Variants in NMI observed in about 807,000 individuals in gnomAD.
NMI encodes N-myc-interactor.
A neutral mutation model predicts 34.3 loss-of-function variants in NMI; 39 were observed. The observed-to-expected ratio is 1.14, with a 90% confidence interval of 0.88 to 1.49. NMI has a LOEUF of 1.49. Among genes scored for constraint, NMI ranks in the 40% most tolerant of loss-of-function variants. The pLI is 0.00. For missense variants in NMI, 339 were observed against 358.1 expected (o/e 0.95, Z 0.43); for synonymous variants, 113 against 120.3 (o/e 0.94, Z 0.40).
chr2:151,280,195 C>CAAAAAAAA lies in NMI; in HGVS notation c.178-1213_178-1206dup, dbSNP rs10645520. On this transcript the variant is annotated intron_variant, in intron 3 of 7. Transcript: ENST00000243346. ...GGGCAACAAGAACAAAACTCTGTTT[C>CAAAAAAAA]AAAAAAAAAAATTGTAACCTGAAAG... 1.4e-4 allele frequency among the ~76,000 whole-genome samples: 19 copies of CAAAAAAAA among 136,394 alleles called. 1 individual carries two copies. Among genetic ancestry groups the CAAAAAAAA allele is most frequent in the Admixed American group, 3.0e-4 (4 of 13,150 alleles). 89.5% of individuals were successfully genotyped at this position (136,394 alleles called of 152,430 possible).
At position 151,289,583 on chromosome 2, in the gene NMI, C is replaced by T. The variant is rs1050613067; in HGVS notation, c.-7+10G>A. 2 of 152,226 alleles carry T rather than the reference C, an allele frequency of 1.3e-5. No individual in the cohort carries two copies. The highest frequency in any genetic ancestry group is 2.9e-5 in the Non-Finnish European group (2 of 68,058). The allele number at this position is 152,226 out of a possible 1,614,324, so 9.4% of individuals were successfully genotyped here. Reference sequence around the variant, plus strand: ...GGGAGTGGCAGCCGGGGAAGGGACTCCCCACTCACCCGCGTCCGCCCGCCG... The same window carrying T: ...GGGAGTGGCAGCCGGGGAAGGGACTTCCCACTCACCCGCGTCCGCCCGCCG... On this transcript the variant is annotated intron_variant, in intron 1 of 7. Transcript: ENST00000243346.
chr2:151,281,630 G>A (rs1443579425), intron 3 of NMI, among the ~76,000 whole-genome samples: 3 of 152,122 alleles, frequency 2.0e-5, no homozygotes, highest in Admixed American at 2.0e-4. Flanking sequence ...TTAATTTAAA[G>A]GGAAGCATAT....
At chr2:151,271,092 T>C (rs1683177331) in intron 7 of NMI, among the ~76,000 whole-genome samples, 1 of 152,196 alleles carries the variant, frequency 6.6e-6, no homozygotes, top group Admixed American at 6.5e-5. Flanking sequence ...AGGGATGCTC[T>C]GGGAACAGAA....
At chr2:151,276,804 C>T (rs558971357) in intron 4 of NMI, among the ~76,000 whole-genome samples, 22 of 152,142 alleles carry the variant, frequency 1.4e-4, no homozygotes, top group Admixed American at 1.3e-3. Flanking sequence ...TACTTAATGA[C>T]GAATTCCACT....
chr2:151,275,103 C>T (rs1462595371), intron 6 of NMI, among the ~76,000 whole-genome samples: 2 of 152,088 alleles, frequency 1.3e-5, no homozygotes, highest in Admixed American at 1.3e-4. Context: ...CTGCCTCAGC[C>T]TCCCAAGTAG....
intron 4 of NMI, chr2:151,277,400 C>G (rs377392892): frequency 1.3e-5 from 2 of 152,196 alleles, no homozygotes; most frequent in Non-Finnish European, 2.9e-5. Context: ...CCGCTTGTGT[C>G]TCAATTGTTG....
rs1428544634 is a variant in NMI at position 151,278,827 on chromosome 2, CCTT to C, written c.338_340del (p.Glu113del). 23 of 1,611,324 alleles carry C rather than the reference CCTT, an allele frequency of 1.4e-5. No homozygotes were observed. The East Asian group carries it at 4.0e-4, about 28-fold the overall frequency. ...GTCATATTTTTTAACATTAGTCATA[CCTT>C]CTTCTTTTTCAAAGGTGATAAGTGC... On this transcript the variant is annotated inframe_deletion and splice_region_variant, in exon 4 of 8. Transcript: ENST00000243346.
At chr2:151,276,691 AAGCACTAG>A (rs1442079313) in intron 4 of NMI, among the ~76,000 whole-genome samples, 1 of 152,226 alleles carries the variant, frequency 6.6e-6, no homozygotes, top group Non-Finnish European at 1.5e-5. Flanking sequence ...AATATGTTAC[AAGCACTAG>A]AGCAATATAT....
chr2:151,270,749 C>T lies in NMI; in HGVS notation c.868G>A (p.Val290Ile), dbSNP rs779157278. Reference protein sequence around the residue: ...FQRAKNGGGEVDVVKCSLGQP... With the variant: ...FQRAKNGGGEIDVVKCSLGQP... ...CCTAGAGAACACTTGACCACATCTACTTCTCCACCTCCATTCTTTGCCCGT... is the reference window on the plus strand; with the variant it reads ...CCTAGAGAACACTTGACCACATCTATTTCTCCACCTCCATTCTTTGCCCGT... The change falls in exon 8 of 8, where the codon GTA becomes ATA. Residue 290 changes from valine (V) to isoleucine (I), a missense_variant. Val to Ile is a conservative substitution (Grantham distance 29). Coordinates refer to ENST00000243346, the MANE Select transcript of NMI (RefSeq NM_004688.3). 3 of 1,614,042 alleles carry T rather than the reference C, an allele frequency of 1.9e-6. No homozygotes were observed. The highest frequency in any genetic ancestry group is 4.5e-5 in the East Asian group (2 of 44,860).
chr2:151,275,463 A>T, intron 6 of NMI, 21 bp downstream of exon 6: 1 of 1,603,802 alleles, frequency 6.2e-7, no homozygotes. Flanking sequence ...GTGTCTGTTA[A>T]CCTTCTACAC....
rs750473867 is a variant in NMI, at chr2:151,278,961, C to A, written c.207G>T (p.Met69Ile). 1 of 1,609,330 alleles carries A rather than the reference C, an allele frequency of 6.2e-7. No homozygotes were observed. Among genetic ancestry groups the A allele is most frequent in the Non-Finnish European group, 8.5e-7 (1 of 1,176,350 alleles). ...CAGGAGTTTCAACTGATAAGAATTT[C>A]ATCTTTGTTTCAGGAATATCCTCTT... is the stretch of plus-strand genomic sequence containing the variant. ...QIKEDIPETK[M>I]KFLSVETPEN... is the part of the protein sequence containing the mutation. The change falls in exon 4 of 8, where the codon ATG (methionine) becomes ATT (isoleucine). Residue 69 changes from methionine (M) to isoleucine (I), a missense_variant. By Grantham distance (10) the Met-to-Ile change is conservative (BLOSUM62 1). Transcript: ENST00000243346.
At chr2:151,273,035 A>G (rs924714254) in intron 6 of NMI, among the ~76,000 whole-genome samples, 2 of 152,044 alleles carry the variant, frequency 1.3e-5, no homozygotes, top group Non-Finnish European at 2.9e-5. Context: ...CAACATTGTG[A>G]ATGTACTTAG....
chr2:151,275,865 C>T lies in NMI; in HGVS notation c.341-1G>A, dbSNP rs1683286709. The T allele has an allele frequency of 6.5e-7, 1 of 1,550,250 alleles. No individual in the cohort carries two copies. Among genetic ancestry groups the T allele is most frequent in the Non-Finnish European group, 8.8e-7 (1 of 1,139,810 alleles). The stretch of plus-strand genomic sequence containing the variant: ...CTCATGCTTACCACATTTTGAGCAA[C>T]TGAAAAATAATTCAGGAAGGAAGTA... On this transcript the variant is annotated splice_acceptor_variant, in intron 4 of 7. Transcript: ENST00000243346. LOFTEE classifies it high-confidence loss of function.
At chr2:151,271,278 G>C (rs62167156) in intron 7 of NMI, among the ~76,000 whole-genome samples, 19,276 of 152,172 alleles carry the variant, frequency 0.13, 1,575 homozygotes, top group South Asian at 0.26. Flanking sequence ...GAGCAGGTCT[G>C]GGGTAAAGAT....
rs536040281 is a variant in NMI at position 151,278,799 on chromosome 2, A to G, written c.340+29T>C. On this transcript the variant is annotated intron_variant, in intron 4 of 7. Coordinates refer to ENST00000243346, the MANE Select transcript of NMI (RefSeq NM_004688.3). The stretch of plus-strand genomic sequence containing the variant: ...TCTATGAAAGTGCTTTCCAAATAAC[A>G]TGGTCATATTTTTTAACATTAGTCA... 4 of 1,570,740 alleles carry G rather than the reference A, an allele frequency of 2.5e-6. No homozygotes were observed. The East Asian group carries it at 9.0e-5, about 35-fold the overall frequency.
rs548183551 is a variant in NMI, at chr2:151,287,360, T to C, written c.-7+2233A>G. On this transcript the variant is annotated intron_variant, in intron 1 of 7. Coordinates refer to ENST00000243346, the MANE Select transcript of NMI (RefSeq NM_004688.3). ...ACACACACACACACGCATACATATA[T>C]ACATATATATCGCTATTGTATCAAC... Among the ~76,000 whole-genome samples the C allele has an allele frequency of 3.2e-4, 48 of 151,522 alleles. 1 individual carries two copies. The South Asian group carries it at 5.6e-3, about 18-fold the overall frequency.
At chr2:151,274,546 G>A (rs149694075) in intron 6 of NMI, among the ~76,000 whole-genome samples, 8,671 of 149,112 alleles carry the variant, frequency 0.058, 534 homozygotes, top group African/African-American at 0.15. Context: ...CGTAGTCTCG[G>A]CTCACTGCAA....
intron 1 of NMI, among the ~76,000 whole-genome samples, chr2:151,285,066 T>C (rs1286347387): frequency 6.6e-6 from 1 of 152,154 alleles, no homozygotes. Flanking sequence ...GCCTGGAATA[T>C]CTTGTAGTGC....
rs777036311 is a variant in NMI, at chr2:151,275,666, T to C, written c.452A>G (p.Tyr151Cys). ...PLNSGVRFQV[Y>C]VEVSKMKINV... ...GATTTTCATTTTAGAAACTTCTACA[T>C]AAACCTGGAAAATGATTTGATGTTC... The change falls in exon 6 of 8, where the codon TAT becomes TGT. Residue 151 changes from tyrosine to cysteine, a missense_variant. Transcript: ENST00000243346. 13 of 1,613,798 alleles carry C rather than the reference T, an allele frequency of 8.1e-6. No homozygotes were observed. The South Asian group carries it at 1.1e-4, about 14-fold the overall frequency.
Sources: allele counts gnomAD v4.1 joint callset (sites outside exome capture counted in the v4.1 genomes callset), GRCh38; gene constraint gnomAD v4.1.1; transcripts MANE v1.5; gene names NCBI Gene and HGNC (gene_info 2026-07-23, HGNC 2026-07-21).